TCF20: variants seen among roughly 807,000 people sequenced by gnomAD.
The protein encoded by TCF20 is transcription factor 20.
TCF20 carries 3 observed loss-of-function variants against 148.6 expected under a neutral mutation model. The observed-to-expected ratio is 0.02, with a 90% CI of 0.01 to 0.05. The LOEUF is 0.05. Among genes scored for constraint, TCF20 ranks in the 10% least tolerant of loss-of-function variants. The pLI, the probability that TCF20 is intolerant of heterozygous loss-of-function variation, is 1.00. For missense variants in TCF20, 2,350 were observed against 2,429.3 expected (o/e 0.97, Z 0.69); for synonymous variants, 1,049 against 909.5 (o/e 1.15, Z -2.76).
At chr22:42,235,379 A>C (rs1303319851) in intron 1 of TCF20, among the ~76,000 whole-genome samples, 2 of 152,166 alleles carry the variant, frequency 1.3e-5, no homozygotes, top group Non-Finnish European at 2.9e-5. Context: ...ATCAGGGAGA[A>C]GAACAAGGGA....
At chr22:42,232,736 T>C (rs949622193) in intron 1 of TCF20, among the ~76,000 whole-genome samples, 1 of 151,198 alleles carries the variant, frequency 6.6e-6, no homozygotes, top group Non-Finnish European at 1.5e-5. Context: ...GAGGCGGAGC[T>C]TGCAGTGAGC....
intron 2 of TCF20, 101 bp from the exon 3 acceptor site, chr22:42,179,803 T>G: frequency 1.3e-6 from 1 of 787,564 alleles, no homozygotes; most frequent in Non-Finnish European, 2.2e-6. Flanking sequence ...CACGTGTCTC[T>G]GTGGTTAGAG....
At chr22:42,303,634 C>G (rs931107882) in intron 1 of TCF20, among the ~76,000 whole-genome samples, 2 of 152,246 alleles carry the variant, frequency 1.3e-5, no homozygotes, top group African/African-American at 4.8e-5. Flanking sequence ...GATGGCCAGC[C>G]AGGTGAAGGA....
chr22:42,321,052 T>G (rs990876289), intron 1 of TCF20, among the ~76,000 whole-genome samples: 3 of 151,890 alleles, frequency 2.0e-5, no homozygotes, highest in Admixed American at 2.0e-4. Context: ...TACACAGGAG[T>G]CAGGCAACGC....
chr22:42,326,761 C>T (rs975795995), intron 1 of TCF20, among the ~76,000 whole-genome samples: 5 of 152,254 alleles, frequency 3.3e-5, no homozygotes, highest in Non-Finnish European at 7.3e-5. Context: ...GCCATGTCCC[C>T]TCTTAGGGGG....
chr22:42,311,849 A>G (rs983307693), intron 1 of TCF20, among the ~76,000 whole-genome samples: 1 of 152,208 alleles, frequency 6.6e-6, no homozygotes, highest in African/African-American at 2.4e-5. Flanking sequence ...CTGCATAGTC[A>G]AGACAGCCCT....
intron 1 of TCF20, among the ~76,000 whole-genome samples, chr22:42,245,658 T>TTC (rs1286188738): frequency 6.6e-6 from 1 of 152,190 alleles, no homozygotes; most frequent in Non-Finnish European, 1.5e-5. Context: ...ATGTCAACCT[T>TTC]TCTGCCCACC....
chr22:42,263,667 A>C (rs904159920), intron 1 of TCF20, among the ~76,000 whole-genome samples: 1 of 152,210 alleles, frequency 6.6e-6, no homozygotes, highest in Admixed American at 6.5e-5. Flanking sequence ...GGGCCTAAGA[A>C]GACAACACTA....
chr22:42,309,849 G>A (rs1927501841), intron 1 of TCF20, among the ~76,000 whole-genome samples: 1 of 152,226 alleles, frequency 6.6e-6, no homozygotes, highest in African/African-American at 2.4e-5. Context: ...TGGTGAGGAT[G>A]AAGTAAGAAA....
intron 1 of TCF20, among the ~76,000 whole-genome samples, chr22:42,242,599 C>G (rs1249080947): frequency 6.6e-6 from 1 of 151,650 alleles, no homozygotes; most frequent in Non-Finnish European, 1.5e-5. Context: ...GAAGATCTCT[C>G]TACCCGGCCA....
Position 42,172,796 on chromosome 22 carries a change from C to T in TCF20, c.5750-2900G>A, listed in dbSNP as rs556159505. On this transcript the variant is annotated intron_variant, in intron 3 of 5. Transcript: ENST00000677622. ...ACTCCAATTCACCTACACTCTACCC[C>T]AGTACTACTGTTATTCCTTATGTTG... 9.8e-5 allele frequency among the ~76,000 whole-genome samples: 15 copies of T among 152,328 alleles called. No individual in the cohort carries two copies. In the South Asian group the frequency reaches 2.9e-3, roughly 29 times the overall value.
At chr22:42,164,212 CTTTTTTTT>C (rs56079117) in intron 5 of TCF20, among the ~76,000 whole-genome samples, 1 of 83,556 alleles carries the variant, frequency 1.2e-5, no homozygotes, top group East Asian at 3.4e-4. Context: ...TCATTTCTTT[CTTTTTTTT>C]TTTTTTTTTT....
chr22:42,236,534 T>C (rs1357599765), intron 1 of TCF20, among the ~76,000 whole-genome samples: 1 of 152,178 alleles, frequency 6.6e-6, no homozygotes, highest in Non-Finnish European at 1.5e-5. Flanking sequence ...CAGTTGGAGC[T>C]CTACTTGGAG....
rs73433559 is a variant in TCF20, at chr22:42,310,989, A to G, written c.-37+32490T>C. ...GATGACACTGGCTCATCAATACCCA[A>G]GAAAATACGGCCTGGAGGGAGGAAC... On this transcript the variant is annotated intron_variant, in intron 1 of 1. Transcript: ENST00000515426. Among the ~76,000 whole-genome samples, 1,289 of 152,362 alleles carry G rather than the reference A, an allele frequency of 8.5e-3. 14 individuals are homozygous for G. Among genetic ancestry groups the G allele is most frequent in the African/African-American group, 0.029 (1,217 of 41,588 alleles).
rs549083851 is a variant in TCF20 at position 42,297,660 on chromosome 22, G to C, written c.-37+45819C>G. On this transcript the variant is annotated intron_variant, in intron 1 of 1. Coordinates refer to the TCF20 transcript ENST00000515426. This position sits in a 1 kb window ranked among gnomAD's most constrained non-coding sequence, Gnocchi z 4.3. ...TAACCTCTTCTCCCAACCCAGACCA[G>C]GCAGACTTAGGAAATACTGGCCAGA... Among the ~76,000 whole-genome samples the C allele has an allele frequency of 4.3e-4, 66 of 152,302 alleles. No homozygotes were observed. Among genetic ancestry groups the C allele is most frequent in the Admixed American group, 2.1e-3 (32 of 15,302 alleles).
chr22:42,200,795 T>G lies in TCF20; in HGVS notation c.5655+8856A>C, dbSNP rs1937956832. 1.3e-5 allele frequency among the ~76,000 whole-genome samples: 2 copies of G among 152,228 alleles called. 1 individual carries two copies. Among genetic ancestry groups the G allele is most frequent in the South Asian group, 4.1e-4 (2 of 4,830 alleles). ...ACAGCCTCTCGAATGACCTGTCTGCTTCTGATGTCTCCCTACTTATTTCCT... is the reference window on the plus strand; with the variant it reads ...ACAGCCTCTCGAATGACCTGTCTGCGTCTGATGTCTCCCTACTTATTTCCT... On this transcript the variant is annotated intron_variant, in intron 2 of 5. Transcript: ENST00000677622.
intron 1 of TCF20, among the ~76,000 whole-genome samples, chr22:42,247,350 G>A (rs1346296545): frequency 6.7e-6 from 1 of 149,334 alleles, no homozygotes; most frequent in Non-Finnish European, 1.5e-5. Context: ...TGAGGCAGGA[G>A]AATGGCATGA....
intron 1 of TCF20, among the ~76,000 whole-genome samples, chr22:42,324,820 C>A (rs1927844327): frequency 1.3e-5 from 2 of 152,372 alleles, no homozygotes; most frequent in South Asian, 4.1e-4. Flanking sequence ...AATCTCCCAG[C>A]AGCCTGGGGA....
chr22:42,178,585 C>CTTTTTTTTTT (rs71184870), intron 3 of TCF20, among the ~76,000 whole-genome samples: 1 of 78,428 alleles, frequency 1.3e-5, no homozygotes. Context: ...ACAAATAATT[C>CTTTTTTTTTT]TTTTTTTTTT....
Sources: gnomAD v4.1 joint callset for allele counts (sites outside exome capture counted in the v4.1 genomes callset) on GRCh38, gnomAD v4.1.1 for gene constraint, Gnocchi (gnomAD v3.1) non-coding constraint, MANE v1.5 for transcripts, NCBI Gene and HGNC (gene_info 2026-07-23, HGNC 2026-07-21) for gene names.